ATP2A2: variants seen among roughly 807,000 people sequenced by gnomAD.
ATP2A2 encodes the protein ATPase sarcoplasmic/endoplasmic reticulum Ca2+ transporting 2, also known as sarcoplasmic/endoplasmic reticulum calcium ATPase 2.
In ATP2A2, 14 loss-of-function variants were observed where a neutral mutation model predicts 109.3. That is an observed-to-expected ratio of 0.13 (90% CI 0.08 to 0.20). The LOEUF (loss-of-function observed/expected upper bound fraction) is 0.20. Among genes scored for constraint, ATP2A2 ranks in the 10% least tolerant of loss-of-function variants. ATP2A2 has a pLI of 1.00. For synonymous variants in ATP2A2, 506 were observed against 490.9 expected (o/e 1.03, Z -0.41); for missense variants, 657 against 1,321.6 (o/e 0.50, Z 7.80).
chr12:110,339,413 G>T lies in ATP2A2; in HGVS notation c.1542+10G>T. The T allele has an allele frequency of 6.2e-7, 1 of 1,614,174 alleles. No individual in the cohort carries two copies. Among genetic ancestry groups the T allele is most frequent in the East Asian group, 2.2e-5 (1 of 44,888 alleles). On this transcript the variant is annotated intron_variant, in intron 12 of 19. Coordinates refer to ENST00000539276, the MANE Select transcript of ATP2A2 (RefSeq NM_170665.4). The surrounding 1 kb of genome is among the most constrained non-coding windows in gnomAD (Gnocchi z 4.4). ...CAAGATGTTTGTGAAGGCAAGTATG[G>T]CAGATTGCAATTGAGATGTTCTTGC... is the stretch of plus-strand genomic sequence containing the variant.
At chr12:110,333,880 A>G in intron 10 of ATP2A2, 132 bp from the exon 11 acceptor site, 2 of 1,136,998 alleles carry the variant, frequency 1.8e-6, no homozygotes, top group Non-Finnish European at 2.6e-6. Flanking sequence ...CCTGTTTCAG[A>G]GGAGGATAAA....
chr12:110,322,153 C>T (rs976245033), intron 5 of ATP2A2, among the ~76,000 whole-genome samples: 2 of 152,110 alleles, frequency 1.3e-5, no homozygotes, highest in Admixed American at 1.3e-4. Flanking sequence ...AGGATATATG[C>T]CCCAGCTGTG....
Position 110,350,468 on chromosome 12 carries a change from C to A in ATP2A2, c.*3998C>A. The A allele has an allele frequency of 9.2e-7, 1 of 1,085,232 alleles. No homozygotes were observed. Among genetic ancestry groups the A allele is most frequent in the Non-Finnish European group, 1.4e-6 (1 of 730,588 alleles). The allele number at this position is 1,085,232 out of a possible 1,614,324, so 67.2% of individuals were successfully genotyped here. A position where few individuals can be genotyped will look rare whatever the true frequency, so the allele number is the denominator to read the frequency against. On this transcript the variant is annotated 3_prime_UTR_variant, in exon 20 of 20. Transcript: ENST00000539276. ...TGTTATGTGGAGGAAATGTGTATTA[C>A]CAATGGGGTTGTTAGCTTTTAAATC...
At chr12:110,336,544 A>G (rs373306869) in intron 11 of ATP2A2, among the ~76,000 whole-genome samples, 7 of 152,260 alleles carry the variant, frequency 4.6e-5, no homozygotes, top group African/African-American at 1.7e-4. Flanking sequence ...TGACCACACA[A>G]AATCTCAGGG....
chr12:110,307,902 CAT>C (rs1875560750), intron 5 of ATP2A2, among the ~76,000 whole-genome samples: 1 of 152,182 alleles, frequency 6.6e-6, no homozygotes, highest in South Asian at 2.1e-4. Flanking sequence ...GAGGCTTAGT[CAT>C]AAATTCTTTG....
In ATP2A2 at chr12:110,348,112, A is replaced by C; in HGVS notation, c.*1642A>C. 1 of 985,598 alleles carries C rather than the reference A, an allele frequency of 1.0e-6. No homozygotes were observed. Among genetic ancestry groups the C allele is most frequent in the Non-Finnish European group, 1.2e-6 (1 of 830,034 alleles). 61.1% of individuals were successfully genotyped at this position (985,598 alleles called of 1,614,324 possible). The stretch of plus-strand genomic sequence containing the variant: ...ACAGGCTGAAGGAGCTGTGCAGACT[A>C]TTGCTAAAATGAGGGTTCGCAGCTG... On this transcript the variant is annotated 3_prime_UTR_variant, in exon 20 of 20. Coordinates refer to ENST00000539276, the MANE Select transcript of ATP2A2 (RefSeq NM_170665.4).
chr12:110,281,013 C>G (rs1261068225), upstream of ATP2A2: 1 of 151,892 alleles, frequency 6.6e-6, no homozygotes, highest in Non-Finnish European at 1.5e-5. Context: ...CCCAGCTTCC[C>G]CTCCGCCAGC....
At chr12:110,291,537 T>C (rs1873294758) in intron 3 of ATP2A2, among the ~76,000 whole-genome samples, 1 of 152,100 alleles carries the variant, frequency 6.6e-6, no homozygotes, top group South Asian at 2.1e-4. Context: ...AGAATTCTTA[T>C]GAACAAGACA....
intron 5 of ATP2A2, among the ~76,000 whole-genome samples, chr12:110,304,401 CCCA>C (rs1253953697): frequency 1.3e-5 from 2 of 152,174 alleles, no homozygotes; most frequent in Non-Finnish European, 2.9e-5. Context: ...GTTCTACATT[CCCA>C]CCAACAATGT....
chr12:110,291,228 G>A (rs540068063), intron 3 of ATP2A2, among the ~76,000 whole-genome samples: 23 of 140,818 alleles, frequency 1.6e-4, no homozygotes, highest in African/African-American at 5.6e-4. Context: ...TTTTGAGACC[G>A]AGTCTTGCTC....
At chr12:110,345,015 G>A (rs376365154) in intron 17 of ATP2A2, 44 bp downstream of exon 17, 5 of 1,594,330 alleles carry the variant, frequency 3.1e-6, no homozygotes, top group African/African-American at 2.7e-5. Context: ...GAGAAGTGTT[G>A]TGAGGCCTTG....
intron 1 of ATP2A2, 93 bp downstream of exon 1, chr12:110,282,000 C>A: frequency 9.8e-7 from 1 of 1,015,242 alleles, no homozygotes; most frequent in Non-Finnish European, 1.4e-6. Flanking sequence ...GCTTCGGCTC[C>A]GCGCCCGCCG....
At position 110,345,385 on chromosome 12, in the gene ATP2A2, T is replaced by C. The variant is rs776604643; in HGVS notation, c.2741+3T>C. On this transcript the variant is annotated splice_donor_region_variant and intron_variant, in intron 18 of 19. Coordinates refer to ENST00000539276, the MANE Select transcript of ATP2A2 (RefSeq NM_170665.4). ...GAAATGTGTAACGCCCTCAACAGGT[T>C]AGTGCACCTTCACGGCAGGCTGAGG... 6.2e-7 allele frequency: 1 copy of C among 1,614,220 alleles called. No individual in the cohort carries two copies. The highest frequency in any genetic ancestry group is 8.5e-7 in the Non-Finnish European group (1 of 1,180,026).
intron 5 of ATP2A2, among the ~76,000 whole-genome samples, chr12:110,298,256 C>T (rs929519): frequency 6.6e-4 from 100 of 152,116 alleles, no homozygotes; most frequent in African/African-American, 2.3e-3. Flanking sequence ...TTTTGTTGTT[C>T]CTCCAGAAAA....
In ATP2A2 at chr12:110,321,550, A is replaced by G. The variant is rs59459417; in HGVS notation, c.464-1442A>G. On this transcript the variant is annotated intron_variant, in intron 5 of 19. Coordinates refer to ENST00000539276, the MANE Select transcript of ATP2A2 (RefSeq NM_170665.4). The stretch of plus-strand genomic sequence containing the variant: ...TAGTGGTGTGAACTCGGCTCACTGC[A>G]ACCGTCTGAGTAGCTGAGACTACAG... Among the ~76,000 whole-genome samples the G allele has an allele frequency of 2.5e-3, 378 of 152,250 alleles. 3 individuals carry two copies. The highest frequency in any genetic ancestry group is 8.7e-3 in the African/African-American group (361 of 41,546).
intron 3 of ATP2A2, among the ~76,000 whole-genome samples, chr12:110,284,617 C>G (rs897577225): frequency 6.6e-6 from 1 of 152,138 alleles, no homozygotes; most frequent in Non-Finnish European, 1.5e-5. Flanking sequence ...AGTTTGTAAG[C>G]ATTTCAAGCA....
In ATP2A2 at chr12:110,348,692, A is replaced by T. The variant is rs1397637295; in HGVS notation, c.*2222A>T. On this transcript the variant is annotated 3_prime_UTR_variant, in exon 20 of 20. Coordinates refer to ENST00000539276, the MANE Select transcript of ATP2A2 (RefSeq NM_170665.4). ...TCAAACCAGCCTGGGCAACAGAGTGAGGCCCTGTCAAAAAAAAATCAGCCT... is the reference window on the plus strand; with the variant it reads ...TCAAACCAGCCTGGGCAACAGAGTGTGGCCCTGTCAAAAAAAAATCAGCCT... 1 of 985,286 alleles carries T rather than the reference A, an allele frequency of 1.0e-6. No individual in the cohort carries two copies. Among genetic ancestry groups the T allele is most frequent in the Non-Finnish European group, 1.2e-6 (1 of 829,970 alleles). 61.0% of individuals were successfully genotyped at this position (985,286 alleles called of 1,614,324 possible). A position where few individuals can be genotyped will look rare whatever the true frequency, so the allele number is the denominator to read the frequency against.
At position 110,342,377 on chromosome 12, in the gene ATP2A2, G is replaced by A; in HGVS notation, c.2247G>A (p.Gly749=). 1 of 1,614,204 alleles carries A rather than the reference G, an allele frequency of 6.2e-7. No homozygotes were observed. Among genetic ancestry groups the A allele is most frequent in the Non-Finnish European group, 8.5e-7 (1 of 1,180,040 alleles). ...FSTIVAAVEE[G]RAIYNNMKQF... ...CCATTGTGGCTGCCGTTGAGGAGGG[G>A]CGGGCAATCTACAACAACATGAAAC... The change falls in exon 15 of 20, where the codon GGG becomes GGA. Residue 749 remains glycine, a synonymous_variant. Coordinates refer to ENST00000539276, the MANE Select transcript of ATP2A2 (RefSeq NM_170665.4). The surrounding 1 kb of genome is among the most constrained non-coding windows in gnomAD (Gnocchi z 4.6).
chr12:110,282,613 C>G lies in ATP2A2; in HGVS notation c.128C>G (p.Ala43Gly). Residue 43 changes from alanine (A) to glycine (G), a missense_variant, in exon 2 of 20, where the codon GCT becomes GGT. Physicochemically the swap from Ala to Gly is moderately conservative, Grantham distance 60. Around this residue, in one of 9 missense-constraint regions of ATP2A2, gnomAD observed 64 missense variants for 65.4 expected, o/e 0.98. Coordinates refer to ENST00000539276, the MANE Select transcript of ATP2A2 (RefSeq NM_170665.4). ...KERWGSNELPAEEGKTLLELV... is the reference protein window; with the variant it reads ...KERWGSNELPGEEGKTLLELV... ...TTTCTACATTCTACAGAGTTACCGG[C>G]TGAAGAAGGTAATCTTAACATGCTG... 1 of 1,613,812 alleles carries G rather than the reference C, an allele frequency of 6.2e-7. No individual in the cohort carries two copies. The highest frequency in any genetic ancestry group is 8.5e-7 in the Non-Finnish European group (1 of 1,179,982).
Sources: allele counts gnomAD v4.1 joint callset (sites outside exome capture counted in the v4.1 genomes callset), GRCh38; gene constraint gnomAD v4.1.1; regional missense constraint gnomAD v4.1.1; non-coding constraint Gnocchi (gnomAD v3.1); transcripts MANE v1.5; gene names NCBI Gene and HGNC (gene_info 2026-07-23, HGNC 2026-07-21).